SHANK2: variants seen among roughly 807,000 people sequenced by gnomAD.
SHANK2 encodes SH3 and multiple ankyrin repeat domains protein 2.
A neutral mutation model predicts 133.7 loss-of-function variants in SHANK2; 43 were observed. The observed-to-expected ratio is 0.32, with a 90% CI of 0.25 to 0.41. The LOEUF is 0.41. Ranked by LOEUF, SHANK2 falls within the 10% of genes least tolerant of loss-of-function variation. The probability of loss-of-function intolerance (pLI) is 1.00; values close to 1 mark genes in which losing one functional copy is unlikely to be tolerated. For missense variants in SHANK2, 1,994 were observed against 2,235.8 expected, an observed-to-expected ratio of 0.89 and a Z score of 2.18; for synonymous variants, 1,017 against 952.8, an observed-to-expected ratio of 1.07 and a Z score of -1.24.
intron 2 of SHANK2, among the ~76,000 whole-genome samples, chr11:71,156,259 G>C (rs1590969661): frequency 6.6e-6 from 1 of 152,240 alleles, no homozygotes; most frequent in East Asian, 1.9e-4. Context: ...TGATAGGTTT[G>C]TGAAACAGAT....
intron 11 of SHANK2, among the ~76,000 whole-genome samples, chr11:70,878,458 T>G (rs1464127818): frequency 2.6e-5 from 4 of 152,156 alleles, no homozygotes; most frequent in Admixed American, 2.6e-4. Flanking sequence ...ACCATATTAA[T>G]TGGCTGTGGC....
At chr11:70,836,388 G>A (rs976171389) in intron 11 of SHANK2, among the ~76,000 whole-genome samples, 5 of 152,222 alleles carry the variant, frequency 3.3e-5, no homozygotes, top group Non-Finnish European at 7.3e-5. Context: ...CTGCAAGTTG[G>A]AGAAAGGATA....
intron 17 of SHANK2, among the ~76,000 whole-genome samples, chr11:70,581,038 AG>A (rs2060178047): frequency 6.6e-6 from 1 of 152,156 alleles, no homozygotes; most frequent in Non-Finnish European, 1.5e-5. Flanking sequence ...AGGCCTTCTG[AG>A]GAGCCACCAG....
chr11:70,517,690 T>C (rs2059282425), intron 17 of SHANK2, among the ~76,000 whole-genome samples: 1 of 152,206 alleles, frequency 6.6e-6, no homozygotes, highest in South Asian at 2.1e-4. Flanking sequence ...AGATCAGTGG[T>C]TGCCAAGGGC....
At chr11:71,066,041 GA>G (rs1332676014) in intron 9 of SHANK2, among the ~76,000 whole-genome samples, 75 of 7,016 alleles carry the variant, frequency 0.011, no homozygotes, top group Non-Finnish European at 0.014. Flanking sequence ...GAAGTTGGGG[GA>G]GGGTACAGAA....
intron 17 of SHANK2, among the ~76,000 whole-genome samples, chr11:70,565,194 T>C (rs2059952801): frequency 6.6e-6 from 1 of 150,768 alleles, no homozygotes; most frequent in Non-Finnish European, 1.5e-5. Flanking sequence ...CTGGGTGTAG[T>C]TAAGTCACCT....
At chr11:70,653,567 CAAA>C (rs1157982312) in intron 17 of SHANK2, among the ~76,000 whole-genome samples, 3 of 61,784 alleles carry the variant, frequency 4.9e-5, no homozygotes, top group African/African-American at 1.1e-4. Context: ...CTCAGCCTTC[CAAA>C]AAAAAAAAAA....
At chr11:70,507,098 G>T (rs2135856582) in intron 17 of SHANK2, among the ~76,000 whole-genome samples, 1 of 152,350 alleles carries the variant, frequency 6.6e-6, no homozygotes, top group South Asian at 2.1e-4. Context: ...CACTTGGGGA[G>T]TTGGGCCTCC....
At chr11:71,181,100 T>G (rs1953546456) in intron 2 of SHANK2, among the ~76,000 whole-genome samples, 1 of 151,898 alleles carries the variant, frequency 6.6e-6, no homozygotes, top group Non-Finnish European at 1.5e-5. Flanking sequence ...GATCCTTGAG[T>G]GCAACTGCTG....
intron 11 of SHANK2, among the ~76,000 whole-genome samples, chr11:70,848,679 A>C (rs781826411): frequency 1.6e-4 from 24 of 152,206 alleles, no homozygotes; most frequent in Non-Finnish European, 2.5e-4. Flanking sequence ...CACGGCACTC[A>C]CTAGAATCCA....
chr11:70,695,599 G>A (rs1945375802), intron 15 of SHANK2, among the ~76,000 whole-genome samples: 1 of 152,174 alleles, frequency 6.6e-6, no homozygotes, highest in Non-Finnish European at 1.5e-5. Flanking sequence ...CGGGAGGGTG[G>A]GGCCTGAATG....
chr11:71,085,431 G>T, intron 8 of SHANK2, among the ~76,000 whole-genome samples: 1 of 138,652 alleles, frequency 7.2e-6, no homozygotes, highest in African/African-American at 2.7e-5. Context: ...ACCCCAGCCT[G>T]GGCAACAGAG....
At chr11:70,932,487 C>T (rs1555082675) in intron 10 of SHANK2, among the ~76,000 whole-genome samples, 1 of 152,170 alleles carries the variant, frequency 6.6e-6, no homozygotes, top group African/African-American at 2.4e-5. Flanking sequence ...GATCCATGCC[C>T]CTAAGACTTC....
intron 17 of SHANK2, among the ~76,000 whole-genome samples, chr11:70,575,518 C>CAAA (rs71049923): frequency 0.2 from 27,647 of 137,572 alleles, 3,161 homozygotes; most frequent in South Asian, 0.28. Context: ...GACTCTGCCT[C>CAAA]AAAAAAAAAA....
At chr11:70,907,413 T>G (rs928079488) in intron 10 of SHANK2, among the ~76,000 whole-genome samples, 8 of 152,202 alleles carry the variant, frequency 5.3e-5, no homozygotes, top group Admixed American at 3.3e-4. Flanking sequence ...GGCTTGGACG[T>G]TGGACAGCCC....
At chr11:71,147,021 A>T in intron 3 of SHANK2, 99 bp downstream of exon 3, 1 of 1,024,512 alleles carries the variant, frequency 9.8e-7, no homozygotes, top group Non-Finnish European at 1.4e-6. Flanking sequence ...CAGAGCAGTC[A>T]GGACCGTGGG....
intron 4 of SHANK2, among the ~76,000 whole-genome samples, chr11:71,116,666 CTG>C (rs1436119662): frequency 3.3e-5 from 5 of 152,248 alleles, no homozygotes; most frequent in African/African-American, 9.6e-5. Flanking sequence ...TATGGTTTGA[CTG>C]TGTGTCCCCT....
chr11:70,853,577 G>C (rs1217920364), intron 11 of SHANK2, among the ~76,000 whole-genome samples: 2 of 152,198 alleles, frequency 1.3e-5, no homozygotes, highest in African/African-American at 4.8e-5. Flanking sequence ...CCAGCCCGGA[G>C]CGTGTGATGT....
chr11:70,783,496 A>G (rs1947559310), intron 14 of SHANK2, among the ~76,000 whole-genome samples: 1 of 152,114 alleles, frequency 6.6e-6, no homozygotes, highest in East Asian at 1.9e-4. Context: ...AGCTGTTGGG[A>G]GAGAAGCCAG....
Sources: gnomAD v4.1 joint callset for allele counts (sites outside exome capture counted in the v4.1 genomes callset) on GRCh38, gnomAD v4.1.1 for gene constraint, MANE v1.5 for transcripts, NCBI Gene and HGNC (gene_info 2026-07-23, HGNC 2026-07-21) for gene names.